SORCS2: variants seen among roughly 807,000 people sequenced by gnomAD.
The protein encoded by SORCS2 is sortilin related VPS10 domain containing receptor 2, also known as VPS10 domain-containing receptor SorCS2.
SORCS2 carries 100 observed loss-of-function variants against 141.6 expected under a neutral mutation model. The ratio of observed to expected loss-of-function variants is 0.71; its 90% CI spans 0.60 to 0.83. The LOEUF is 0.83. Ranked by LOEUF, SORCS2 falls within the 40% of genes least tolerant of loss-of-function variation. SORCS2 has a pLI of 0.00. For missense variants in SORCS2, 1,646 were observed against 1,560.2 expected, an observed-to-expected ratio of 1.05 and a Z score of -0.93; for synonymous variants, 789 against 676.9, an observed-to-expected ratio of 1.17 and a Z score of -2.57.
At chr4:7,255,471 A>T (rs545954926) in intron 1 of SORCS2, among the ~76,000 whole-genome samples, 2 of 152,142 alleles carry the variant, frequency 1.3e-5, no homozygotes, top group African/African-American at 4.8e-5. Flanking sequence ...ATGGCGTTGG[A>T]GAGAGGGTGT....
intron 1 of SORCS2, among the ~76,000 whole-genome samples, chr4:7,382,685 A>G (rs775606984): frequency 2.4e-4 from 36 of 152,020 alleles, no homozygotes; most frequent in Non-Finnish European, 4.7e-4. Context: ...GAGGGGCATC[A>G]TGATCCTTTT....
At chr4:7,658,553 C>T (rs1238756887) in intron 5 of SORCS2, among the ~76,000 whole-genome samples, 1 of 152,198 alleles carries the variant, frequency 6.6e-6, no homozygotes, top group African/African-American at 2.4e-5. Flanking sequence ...ATCAACACTC[C>T]ACCTTGAAAG....
At chr4:7,232,090 G>A (rs1343403278) in intron 1 of SORCS2, among the ~76,000 whole-genome samples, 1 of 152,238 alleles carries the variant, frequency 6.6e-6, no homozygotes, top group Non-Finnish European at 1.5e-5. Context: ...TGGCTTCTGC[G>A]GAGGGTGGTG....
chr4:7,737,495 A>G (rs576205877), intron 26 of SORCS2, among the ~76,000 whole-genome samples: 1 of 152,260 alleles, frequency 6.6e-6, no homozygotes, highest in Admixed American at 6.5e-5. Flanking sequence ...CTTTGAAAGG[A>G]AGCCTGACTC....
intron 1 of SORCS2, among the ~76,000 whole-genome samples, chr4:7,320,246 A>G (rs1718815352): frequency 6.6e-6 from 1 of 152,272 alleles, no homozygotes; most frequent in Non-Finnish European, 1.5e-5. Context: ...AAAAAAATCA[A>G]ACGCTGGGGA....
At chr4:7,543,859 T>TCCAGCCACCCAC (rs1560373610) in intron 3 of SORCS2, among the ~76,000 whole-genome samples, 4 of 71,432 alleles carry the variant, frequency 5.6e-5, no homozygotes, top group Admixed American at 1.4e-4. Context: ...CGTCCATCCA[T>TCCAGCCACCCAC]CCACCCATCC....
chr4:7,632,717 A>G (rs1391030967), intron 3 of SORCS2, among the ~76,000 whole-genome samples: 4 of 152,206 alleles, frequency 2.6e-5, no homozygotes, highest in Non-Finnish European at 4.4e-5. Flanking sequence ...AATAACACCA[A>G]TGCCCATTCA....
At chr4:7,218,731 G>A (rs1407407420) in intron 1 of SORCS2, among the ~76,000 whole-genome samples, 1 of 152,174 alleles carries the variant, frequency 6.6e-6, no homozygotes, top group African/African-American at 2.4e-5. Context: ...GGGCAAGAAG[G>A]CAACCCTTCA....
At chr4:7,212,885 C>T (rs1468539506) in intron 1 of SORCS2, among the ~76,000 whole-genome samples, 2 of 152,142 alleles carry the variant, frequency 1.3e-5, no homozygotes, top group Non-Finnish European at 2.9e-5. Context: ...TGGAGGAGGG[C>T]TTAGCAGCAG....
At chr4:7,332,566 G>T (rs984552386) in intron 1 of SORCS2, among the ~76,000 whole-genome samples, 6 of 152,224 alleles carry the variant, frequency 3.9e-5, no homozygotes, top group African/African-American at 9.6e-5. Flanking sequence ...GTTGACGGCA[G>T]ACTTCAGCCC....
chr4:7,400,766 GATGT>G (rs1247676601), intron 2 of SORCS2, among the ~76,000 whole-genome samples: 2 of 151,684 alleles, frequency 1.3e-5, no homozygotes, highest in African/African-American at 2.4e-5. Flanking sequence ...TTGATGGATG[GATGT>G]ATGGATGGAT....
At chr4:7,466,319 C>T (rs1029101336) in intron 2 of SORCS2, among the ~76,000 whole-genome samples, 18 of 152,148 alleles carry the variant, frequency 1.2e-4, no homozygotes, top group African/African-American at 3.1e-4. Context: ...GAGAGGCTGG[C>T]GGGATTCCAC....
At chr4:7,454,234 GGT>G (rs1382465632) in intron 2 of SORCS2, among the ~76,000 whole-genome samples, 2 of 126,954 alleles carry the variant, frequency 1.6e-5, no homozygotes, top group African/African-American at 6.4e-5. Flanking sequence ...GTTGGGGTCA[GGT>G]GCTGTGTGTT....
At chr4:7,272,117 A>T (rs1287635474) in intron 1 of SORCS2, among the ~76,000 whole-genome samples, 2 of 152,224 alleles carry the variant, frequency 1.3e-5, no homozygotes, top group African/African-American at 4.8e-5. Context: ...AACTTTGATT[A>T]ACCGCTGAGC....
intron 3 of SORCS2, among the ~76,000 whole-genome samples, chr4:7,565,368 G>A (rs1412684294): frequency 6.6e-6 from 1 of 152,128 alleles, no homozygotes; most frequent in Non-Finnish European, 1.5e-5. Context: ...TGGTGATATT[G>A]TGCTGATAGT....
intron 14 of SORCS2, among the ~76,000 whole-genome samples, 181 bp downstream of exon 14, chr4:7,704,465 C>T (rs556786540): frequency 2.0e-5 from 3 of 152,360 alleles, no homozygotes; most frequent in Admixed American, 6.5e-5. Context: ...ACCATGGCCA[C>T]GGCACCTCTT....
chr4:7,510,357 C>T (rs1049829231), intron 2 of SORCS2, among the ~76,000 whole-genome samples: 8 of 152,338 alleles, frequency 5.3e-5, no homozygotes, highest in African/African-American at 1.7e-4. Context: ...CGTGTGGTGT[C>T]CTCCGAGCTG....
chr4:7,722,272 G>T (rs965143268), intron 18 of SORCS2, among the ~76,000 whole-genome samples: 5 of 152,128 alleles, frequency 3.3e-5, no homozygotes. Context: ...AGACTTGAGC[G>T]CTTCCCCTCA....
chr4:7,245,950 G>A (rs1358939212), intron 1 of SORCS2, among the ~76,000 whole-genome samples: 1 of 152,208 alleles, frequency 6.6e-6, no homozygotes, highest in African/African-American at 2.4e-5. Flanking sequence ...GCATGTCACA[G>A]ACTGGCGGCG....
Sources: allele counts gnomAD v4.1 joint callset (sites outside exome capture counted in the v4.1 genomes callset), GRCh38; gene constraint gnomAD v4.1.1; transcripts MANE v1.5; gene names NCBI Gene and HGNC (gene_info 2026-07-23, HGNC 2026-07-21).